Variants in TMEM217 observed in about 807,000 individuals in gnomAD.
TMEM217 encodes the protein chromosome 6 open reading frame 128.
For synonymous variants in TMEM217, 76 were observed against 88.3 expected, an observed-to-expected ratio of 0.86 and a Z score of 0.78; for missense variants, 204 against 248.8, an observed-to-expected ratio of 0.82 and a Z score of 1.21.
exon 1 of TMEM217, chr6:37,257,699 G>A: frequency 3.7e-6 from 2 of 542,980 alleles, no homozygotes; most frequent in Non-Finnish European, 6.5e-6. Context: ...CAGGATTCCG[G>A]CTCCCAATTG....
chr6:37,245,695 CAGG>C (rs988962091), intron 1 of TMEM217, among the ~76,000 whole-genome samples: 9 of 151,464 alleles, frequency 5.9e-5, no homozygotes, highest in Admixed American at 6.6e-5. Context: ...AGAGGAGGAG[CAGG>C]AGGAGGAGGA....
intron 1 of TMEM217, among the ~76,000 whole-genome samples, chr6:37,243,541 T>C (rs1764898108): frequency 6.6e-6 from 1 of 152,214 alleles, no homozygotes; most frequent in Non-Finnish European, 1.5e-5. Context: ...CCATATCATA[T>C]GGGATATGGA....
intron 1 of TMEM217, among the ~76,000 whole-genome samples, chr6:37,257,036 T>A (rs1765788283): frequency 6.6e-6 from 1 of 152,248 alleles, no homozygotes; most frequent in Non-Finnish European, 1.5e-5. Flanking sequence ...AGATACATCC[T>A]TAACTTTGTG....
intron 1 of TMEM217, among the ~76,000 whole-genome samples, chr6:37,240,976 A>T (rs1335198097): frequency 6.6e-6 from 1 of 152,078 alleles, no homozygotes; most frequent in Non-Finnish European, 1.5e-5. Context: ...ACATTTATGA[A>T]GTATTTGTTA....
At chr6:37,241,482 C>T (rs1764764947) in intron 1 of TMEM217, among the ~76,000 whole-genome samples, 1 of 152,238 alleles carries the variant, frequency 6.6e-6, no homozygotes, top group Non-Finnish European at 1.5e-5. Flanking sequence ...CCTCCAACCT[C>T]AGTAAGGATT....
intron 1 of TMEM217, among the ~76,000 whole-genome samples, chr6:37,231,474 A>C (rs1764201764): frequency 6.7e-6 from 1 of 149,994 alleles, no homozygotes; most frequent in African/African-American, 2.4e-5. Context: ...GGAGATGGAG[A>C]CCATCCTGGC....
intron 1 of TMEM217, among the ~76,000 whole-genome samples, chr6:37,224,470 C>T (rs933403511): frequency 6.6e-6 from 1 of 151,516 alleles, no homozygotes; most frequent in Non-Finnish European, 1.5e-5. Context: ...TGGTGGCGGG[C>T]ACCTGTGGTC....
At position 37,218,212 on chromosome 6, in the gene TMEM217, C is replaced by T. The variant is rs191309596; in HGVS notation, c.*210G>A. 4.2e-5 allele frequency: 54 copies of T among 1,280,218 alleles called. No homozygotes were observed. In the African/African-American group the frequency reaches 7.0e-4, roughly 17 times the overall value. The allele number at this position is 1,280,218 out of a possible 1,614,324, so 79.3% of individuals were successfully genotyped here. The stretch of plus-strand genomic sequence containing the variant: ...GGGGACAGAGTCTTACTCTGTCACT[C>T]AGGCTGAAGTGCACTGGCGCAATCT... On this transcript the variant is annotated 3_prime_UTR_variant, in exon 2 of 2. Coordinates refer to ENST00000357219, the Ensembl canonical transcript of TMEM217.
At chr6:37,220,565 A>G (rs1763449724) in intron 1 of TMEM217, among the ~76,000 whole-genome samples, 1 of 150,976 alleles carries the variant, frequency 6.6e-6, no homozygotes, top group Non-Finnish European at 1.5e-5. Context: ...TTGTAGATTT[A>G]TAGCCCATAT....
At chr6:37,213,281 T>C (rs1486956354), downstream of TMEM217, among the ~76,000 whole-genome samples, 1 of 152,118 alleles carries the variant, frequency 6.6e-6, no homozygotes, top group East Asian at 1.9e-4. Context: ...GCAAAAAGAG[T>C]GCTCCTGTTG....
At chr6:37,253,704 TA>T (rs1765574804) in intron 1 of TMEM217, among the ~76,000 whole-genome samples, 1 of 152,174 alleles carries the variant, frequency 6.6e-6, no homozygotes, top group South Asian at 2.1e-4. Flanking sequence ...ACTCCTTCAC[TA>T]AGGTTAAAGT....
chr6:37,245,057 C>T (rs1478882204), intron 1 of TMEM217, among the ~76,000 whole-genome samples: 1 of 152,150 alleles, frequency 6.6e-6, no homozygotes, highest in Non-Finnish European at 1.5e-5. Flanking sequence ...CTTTGCAAGC[C>T]ATGGCTTGGG....
chr6:37,244,748 T>C (rs1213385828), intron 1 of TMEM217, among the ~76,000 whole-genome samples: 1 of 152,194 alleles, frequency 6.6e-6, no homozygotes, highest in Non-Finnish European at 1.5e-5. Context: ...TACACAAGTT[T>C]GTGAGGTTCA....
chr6:37,234,735 CA>C (rs1264453739), intron 1 of TMEM217, among the ~76,000 whole-genome samples: 5 of 148,526 alleles, frequency 3.4e-5, no homozygotes, highest in Non-Finnish European at 7.4e-5. Flanking sequence ...GACTCCATCT[CA>C]AAAAAAAGAA....
At chr6:37,242,062 T>C (rs1764795276) in intron 1 of TMEM217, among the ~76,000 whole-genome samples, 1 of 148,886 alleles carries the variant, frequency 6.7e-6, no homozygotes, top group Admixed American at 6.7e-5. Flanking sequence ...TGGAGTCACA[T>C]AGAACCCCCT....
At chr6:37,221,217 C>T (rs1018513406) in intron 1 of TMEM217, among the ~76,000 whole-genome samples, 1 of 149,552 alleles carries the variant, frequency 6.7e-6, no homozygotes, top group Non-Finnish European at 1.5e-5. Context: ...GACGGAGTCT[C>T]GCTCTGTCGC....
chr6:37,215,292 T>TA (rs1763123646), downstream of TMEM217: 10 of 1,607,786 alleles, frequency 6.2e-6, no homozygotes, highest in Non-Finnish European at 7.6e-6. Flanking sequence ...GCTAGACAAA[T>TA]AAAAAAACAA....
Position 37,236,107 on chromosome 6 carries a change from T to C in TMEM217, c.-11-17066A>G, listed in dbSNP as rs146857654. On this transcript the variant is annotated intron_variant, in intron 1 of 1. Coordinates refer to ENST00000357219, the Ensembl canonical transcript of TMEM217. ...TTCATCCCACTTTAACATCATCGTG[T>C]TTGAACTGAAAAAAGTGTGTAGTGT... Among the ~76,000 whole-genome samples the C allele has an allele frequency of 1.4e-3, 219 of 152,280 alleles. 3 individuals carry two copies. Among genetic ancestry groups the C allele is most frequent in the African/African-American group, 5.0e-3 (208 of 41,542 alleles).
chr6:37,251,812 C>T (rs924879135), intron 1 of TMEM217, among the ~76,000 whole-genome samples: 27 of 151,994 alleles, frequency 1.8e-4, no homozygotes, highest in African/African-American at 4.6e-4. Context: ...TTATTTATTG[C>T]AGGAGATGGC....
Sources: allele counts gnomAD v4.1 joint callset (sites outside exome capture counted in the v4.1 genomes callset), GRCh38; gene constraint gnomAD v4.1.1; transcripts MANE v1.5; gene names NCBI Gene and HGNC (gene_info 2026-07-23, HGNC 2026-07-21).